Variants in PAX7 observed in about 807,000 individuals in gnomAD.
PAX7 encodes paired box protein Pax-7.
In PAX7, 18 loss-of-function variants were observed where a neutral mutation model predicts 50.7. The ratio of observed to expected loss-of-function variants is 0.36; its 90% CI spans 0.25 to 0.53. PAX7 has a LOEUF of 0.53. Among genes scored for constraint, PAX7 ranks in the 20% least tolerant of loss-of-function variants. The pLI, the probability that PAX7 is intolerant of heterozygous loss-of-function variation, is 0.93. For synonymous variants in PAX7, 310 were observed against 290.4 expected (o/e 1.07, Z -0.69); for missense variants, 644 against 702.9 (o/e 0.92, Z 0.95).
At chr1:18,664,235 CTAATCAGTGGCAGAGCTGGGACAG>C (rs2088636495) in intron 4 of PAX7, among the ~76,000 whole-genome samples, 1 of 149,796 alleles carries the variant, frequency 6.7e-6, no homozygotes, top group Non-Finnish European at 1.5e-5. Flanking sequence ...GGTCACACAG[CTAATCAGTGGCAGAGCTGGGACAG>C]ATTCCCTTTT....
chr1:18,637,708 G>A (rs2088183754), intron 4 of PAX7, among the ~76,000 whole-genome samples: 1 of 152,282 alleles, frequency 6.6e-6, no homozygotes, highest in Non-Finnish European at 1.5e-5. Context: ...CACAGGCGTG[G>A]TCCGAGGAGG....
chr1:18,714,068 G>T (rs959546314), intron 7 of PAX7, among the ~76,000 whole-genome samples: 4 of 152,044 alleles, frequency 2.6e-5, no homozygotes, highest in South Asian at 4.2e-4. Context: ...AAAATTAGCC[G>T]GGCATGGTGG....
chr1:18,654,618 G>T (rs911125405), intron 4 of PAX7, among the ~76,000 whole-genome samples: 9 of 152,200 alleles, frequency 5.9e-5, no homozygotes, highest in Non-Finnish European at 1.2e-4. Context: ...ACAGCGGGTG[G>T]GCTGCAAGGT....
At position 18,691,763 on chromosome 1, in the gene PAX7, T is replaced by C; in HGVS notation, c.596T>C (p.Leu199Pro). Residue 199 changes from leucine to proline, a missense_variant, in exon 5 of 9, where the codon CTG becomes CCG. Physicochemically the swap from Leu to Pro is moderately conservative, Grantham distance 98. Coordinates refer to ENST00000420770, the MANE Select transcript of PAX7 (RefSeq NM_001135254.2). ...DGILGDKGNR[L>P]DEGSDVESEP... ...TCTCCTCCGGCTGTAGGGAACCGGC[T>C]GGACGAGGGCTCGGATGTGGAGTCG... is the stretch of plus-strand genomic sequence containing the variant. 1 of 1,578,926 alleles carries C rather than the reference T, an allele frequency of 6.3e-7. No homozygotes were observed. The highest frequency in any genetic ancestry group is 8.6e-7 in the Non-Finnish European group (1 of 1,162,736).
intron 7 of PAX7, among the ~76,000 whole-genome samples, chr1:18,710,899 T>C (rs1160358871): frequency 6.6e-6 from 1 of 152,046 alleles, no homozygotes; most frequent in Non-Finnish European, 1.5e-5. Context: ...CGAGGTTGGG[T>C]TTTGGAGGGA....
chr1:18,687,237 G>C (rs569877411), intron 4 of PAX7, among the ~76,000 whole-genome samples: 1 of 152,052 alleles, frequency 6.6e-6, no homozygotes, highest in South Asian at 2.1e-4. Context: ...CAGGGAGGGA[G>C]GCATACAAGG....
At chr1:18,708,096 A>C (rs1411455175) in intron 7 of PAX7, among the ~76,000 whole-genome samples, 1 of 152,090 alleles carries the variant, frequency 6.6e-6, no homozygotes, top group Admixed American at 6.5e-5. Flanking sequence ...GGCTTTGTGC[A>C]CTGGGTCCTT....
rs1477156627 is a variant in PAX7 at position 18,744,924 on chromosome 1, T to C, written c.1513T>C (p.Tyr505His). 3.9e-6 allele frequency: 6 copies of C among 1,538,454 alleles called. No homozygotes were observed. The highest frequency in any genetic ancestry group is 1.8e-6 in the Non-Finnish European group (2 of 1,134,372). ...CCTGCCTGTGGAAACTGGCCAGGCC[T>C]ACTAGGGCCCCTGGGGCGACTTGCC... is the stretch of plus-strand genomic sequence containing the variant. ...GLLPVETGQAY is the reference protein window; with the variant it reads ...GLLPVETGQAH Residue 505 changes from tyrosine (Y) to histidine (H), a missense_variant, in exon 9 of 9, where the codon TAC becomes CAC. By Grantham distance (83) the Tyr-to-His change is moderately conservative (BLOSUM62 2). Transcript: ENST00000420770.
intron 4 of PAX7, among the ~76,000 whole-genome samples, chr1:18,669,988 C>G (rs1322784973): frequency 6.9e-6 from 1 of 145,760 alleles, no homozygotes; most frequent in African/African-American, 2.6e-5. Context: ...GAGGCTGAAG[C>G]AGGAGAATCA....
intron 4 of PAX7, among the ~76,000 whole-genome samples, chr1:18,650,258 T>C (rs2088411326): frequency 2.0e-5 from 3 of 152,216 alleles, no homozygotes; most frequent in African/African-American, 7.2e-5. Context: ...CCTCTTCTAT[T>C]CCTCTGATTA....
chr1:18,695,469 T>C (rs1262366169), intron 5 of PAX7, among the ~76,000 whole-genome samples: 1 of 152,200 alleles, frequency 6.6e-6, no homozygotes, highest in African/African-American at 2.4e-5. Flanking sequence ...GTAAACATGA[T>C]GTCAGGTGGG....
intron 7 of PAX7, among the ~76,000 whole-genome samples, chr1:18,722,934 G>A (rs1378395855): frequency 6.6e-6 from 1 of 151,648 alleles, no homozygotes; most frequent in Non-Finnish European, 1.5e-5. Context: ...TCCTTTATTT[G>A]TCTCCTTTCC....
At position 18,634,601 on chromosome 1, in the gene PAX7, GC is replaced by G. The variant is rs1488714097; in HGVS notation, c.321+67del. On this transcript the variant is annotated intron_variant, in intron 2 of 8. Transcript: ENST00000420770. The surrounding 1 kb of genome is among the most constrained non-coding windows in gnomAD (Gnocchi z 4.0). ...CTATAGTCGGGGGCTCCTGGTTGTG[GC>G]CCCTCTTACTACCTCGTGGCACCAG... 1.1e-4 allele frequency: 161 copies of G among 1,420,056 alleles called. No homozygotes were observed. The highest frequency in any genetic ancestry group is 1.4e-4 in the Non-Finnish European group (145 of 1,016,522). 88.0% of individuals were successfully genotyped at this position (1,420,056 alleles called of 1,614,324 possible). A position where few individuals can be genotyped will look rare whatever the true frequency, so the allele number is the denominator to read the frequency against.
intron 4 of PAX7, among the ~76,000 whole-genome samples, chr1:18,638,744 GA>G (rs1241187333): frequency 6.6e-6 from 1 of 152,184 alleles, no homozygotes; most frequent in Admixed American, 6.5e-5. Context: ...GCAGATGAGA[GA>G]GGGCCATCTA....
At chr1:18,681,691 A>ATTTATTTTATTTTATTTTAT (rs202204301) in intron 4 of PAX7, among the ~76,000 whole-genome samples, 280 of 138,108 alleles carry the variant, frequency 2.0e-3, no homozygotes, top group Middle Eastern at 0.014. Flanking sequence ...AGGGCTTAGA[A>ATTTATTTTATTTTATTTTAT]TTTATTTTAT....
At chr1:18,725,242 G>A (rs746797668) in intron 7 of PAX7, among the ~76,000 whole-genome samples, 67 of 150,482 alleles carry the variant, frequency 4.5e-4, no homozygotes, top group Admixed American at 4.4e-3. Flanking sequence ...CCCTGCCACC[G>A]CTCAGTCCCT....
At chr1:18,688,450 A>G (rs1406225711) in intron 4 of PAX7, among the ~76,000 whole-genome samples, 1 of 152,230 alleles carries the variant, frequency 6.6e-6, no homozygotes, top group Non-Finnish European at 1.5e-5. Context: ...ACAATGAAAG[A>G]CGAAGTTCTT....
intron 4 of PAX7, among the ~76,000 whole-genome samples, chr1:18,640,084 C>T (rs969169848): frequency 9.2e-5 from 14 of 152,016 alleles, no homozygotes; most frequent in African/African-American, 4.8e-5. Context: ...GGAGGATTGG[C>T]GAGGACGGCG....
chr1:18,730,108 G>T (rs2089628741), intron 7 of PAX7, among the ~76,000 whole-genome samples: 1 of 152,068 alleles, frequency 6.6e-6, no homozygotes, highest in African/African-American at 2.4e-5. Context: ...GATATTTACT[G>T]GGAACTAACA....
Sources: allele counts gnomAD v4.1 joint callset (sites outside exome capture counted in the v4.1 genomes callset), GRCh38; gene constraint gnomAD v4.1.1; non-coding constraint Gnocchi (gnomAD v3.1); transcripts MANE v1.5; gene names NCBI Gene and HGNC (gene_info 2026-07-23, HGNC 2026-07-21).